The following SPOCD1 variants were observed in gnomAD, a reference collection of about 807,000 sequenced individuals.
SPOCD1 encodes SPOC domain containing 1, also known as SPOC domain-containing protein 1.
A neutral mutation model predicts 92.2 loss-of-function variants in SPOCD1; 64 were observed. That is an observed-to-expected ratio of 0.69 (90% CI 0.57 to 0.86). SPOCD1 has a LOEUF of 0.86. Ranked by LOEUF, SPOCD1 falls within the 40% of genes least tolerant of loss-of-function variation. The pLI is 0.00. For missense variants in SPOCD1, 1,360 were observed against 1,543.1 expected (o/e 0.88, Z 1.99); for synonymous variants, 578 against 619.3 (o/e 0.93, Z 0.99).
At position 31,799,730 on chromosome 1, in the gene SPOCD1, G is replaced by A. The variant is rs2149105265; in HGVS notation, c.1783+79C>T. The A allele has an allele frequency of 2.6e-6, 4 of 1,525,192 alleles. No homozygotes were observed. In the South Asian group the frequency reaches 4.5e-5, roughly 17 times the overall value. 94.5% of individuals were successfully genotyped at this position (1,525,192 alleles called of 1,614,324 possible). A position where few individuals can be genotyped will look rare whatever the true frequency, so the allele number is the denominator to read the frequency against. ...AGAGAAGAATCATAGCAGGGGCTGG[G>A]CCCAGGAGCTGGGCCTGAGTCCTCC... On this transcript the variant is annotated intron_variant, in intron 6 of 15. Coordinates refer to ENST00000360482, the MANE Select transcript of SPOCD1 (RefSeq NM_144569.7).
At position 31,791,085 on chromosome 1, in the gene SPOCD1, C is replaced by T; in HGVS notation, c.3169G>A (p.Val1057Met). 6.2e-7 allele frequency: 1 copy of T among 1,613,066 alleles called. No homozygotes were observed. The highest frequency in any genetic ancestry group is 8.5e-7 in the Non-Finnish European group (1 of 1,179,934). Reference sequence around the variant, plus strand: ...GGGGGAGGGGTGCCCTTCAGGGGCACATTCGGCCTCCTGTCATCTGGCTGA... The same window carrying T: ...GGGGGAGGGGTGCCCTTCAGGGGCATATTCGGCCTCCTGTCATCTGGCTGA... ...YYQPDDRRPNVPLKGTPPPGG... is the reference protein window; with the variant it reads ...YYQPDDRRPNMPLKGTPPPGG... Residue 1057 changes from valine (V) to methionine (M), a missense_variant, in exon 16 of 16, where the codon GTG (valine) becomes ATG (methionine). Val to Met is a conservative substitution (Grantham distance 21). Around this residue, in one of 3 missense-constraint regions of SPOCD1, gnomAD observed 614 missense variants for 757.8 expected, o/e 0.81. Transcript: ENST00000360482.
At position 31,815,137 on chromosome 1, in the gene SPOCD1, C is replaced by G; in HGVS notation, c.197G>C (p.Arg66Pro). The change falls in exon 2 of 16, where the codon CGA becomes CCA. Residue 66 changes from arginine to proline, a missense_variant. By Grantham distance (103) the Arg-to-Pro change is moderately radical. Transcript: ENST00000360482. Reference protein sequence around the residue: ...RRKIPRKEALRGGSSRAAGAA... With the variant: ...RRKIPRKEALPGGSSRAAGAA... ...ACCTGCAGCCCGGGAGCTGCCACCT[C>G]GAAGGGCCTCCTTCCTGGGGATCTT... The G allele has an allele frequency of 1.9e-6, 3 of 1,608,270 alleles. No homozygotes were observed.
chr1:31,813,857 C>T, intron 2 of SPOCD1, 94 bp downstream of exon 2: 2 of 1,158,182 alleles, frequency 1.7e-6, no homozygotes, highest in Non-Finnish European at 2.3e-6. Flanking sequence ...ATGAAGCGCC[C>T]ATCTAGCTTA....
At chr1:31,813,576 T>C (rs1649342603) in intron 2 of SPOCD1, among the ~76,000 whole-genome samples, 1 of 152,216 alleles carries the variant, frequency 6.6e-6, no homozygotes. Context: ...GCACATTATT[T>C]TATACCATAA....
intron 9 of SPOCD1, among the ~76,000 whole-genome samples, chr1:31,797,784 C>T (rs1648127677): frequency 6.6e-6 from 1 of 152,196 alleles, no homozygotes; most frequent in Non-Finnish European, 1.5e-5. Context: ...TATGGGGACA[C>T]AGCTGTGAAC....
Position 31,800,613 on chromosome 1 carries a change from C to T in SPOCD1, c.1430G>A (p.Gly477Asp). The T allele has an allele frequency of 1.2e-6, 2 of 1,603,152 alleles. No individual in the cohort carries two copies. Among genetic ancestry groups the T allele is most frequent in the Non-Finnish European group, 1.7e-6 (2 of 1,173,524 alleles). The change falls in exon 4 of 16, where the codon GGT (glycine) becomes GAT (aspartate). Residue 477 changes from glycine (G) to aspartate (D), a missense_variant. Gly to Asp is a moderately conservative substitution (Grantham distance 94). This residue lies in a region of SPOCD1 where 606 missense variants were observed against 601.5 expected (regional missense o/e 1.01). Transcript: ENST00000360482. ...PHGVKLVCYLGSGPVIQLLGA... is the reference protein window; with the variant it reads ...PHGVKLVCYLDSGPVIQLLGA... ...CAGGAGCTGGATCACTGGCCCGGAACCCAGCTGCGGGGGAGATCGCACTTC... is the reference window on the plus strand; with the variant it reads ...CAGGAGCTGGATCACTGGCCCGGAATCCAGCTGCGGGGGAGATCGCACTTC...
chr1:31,793,378 G>T lies in SPOCD1; in HGVS notation c.2585C>A (p.Pro862His). Residue 862 changes from proline to histidine, a missense_variant, in exon 13 of 16, where the codon CCC becomes CAC. Physicochemically the swap from Pro to His is moderately conservative, Grantham distance 77. This residue lies in a region of SPOCD1 where 614 missense variants were observed against 757.8 expected (regional missense o/e 0.81). Transcript: ENST00000360482. The stretch of plus-strand genomic sequence containing the variant: ...AACACCTTCCCAGGGTGGCAGGCAG[G>T]GCAGGGCCTTTGTGGGTGCAGCAGG... Reference protein sequence around the residue: ...HVPAAPTKALPCLPPWEGVLD... With the variant: ...HVPAAPTKALHCLPPWEGVLD... 5 of 1,592,608 alleles carry T rather than the reference G, an allele frequency of 3.1e-6. No homozygotes were observed. The highest frequency in any genetic ancestry group is 4.3e-6 in the Non-Finnish European group (5 of 1,169,478).
Position 31,806,920 on chromosome 1 carries a change from A to G in SPOCD1, c.1384-5215T>C, listed in dbSNP as rs1648857956. 2.0e-5 allele frequency among the ~76,000 whole-genome samples: 3 copies of G among 152,276 alleles called. No individual in the cohort carries two copies. In the South Asian group the frequency reaches 6.2e-4, roughly 32 times the overall value. On this transcript the variant is annotated intron_variant, in intron 2 of 15. Transcript: ENST00000360482. ...GTCTTTGAAATTCAGTGTATATTTT[A>G]CACTTACAGTACATCTCAATTTGGA...
In SPOCD1 at chr1:31,800,562, C is replaced by T. The variant is rs1296684850; in HGVS notation, c.1481G>A (p.Gly494Glu). 2 of 1,610,856 alleles carry T rather than the reference C, an allele frequency of 1.2e-6. No homozygotes were observed. Among genetic ancestry groups the T allele is most frequent in the Non-Finnish European group, 1.7e-6 (2 of 1,178,820 alleles). The change falls in exon 4 of 16, where the codon GGG becomes GAG. Residue 494 changes from glycine (G) to glutamate (E), a missense_variant. Around this residue, in one of 3 missense-constraint regions of SPOCD1, gnomAD observed 606 missense variants for 601.5 expected, o/e 1.01. Coordinates refer to ENST00000360482, the MANE Select transcript of SPOCD1 (RefSeq NM_144569.7). ...LLGAISHGQA[G>E]GQLPPKLEVL... ...CTCCAGCTTTGGTGGCAGCTGCCCC[C>T]CTGCCTGGCCGTGGCTGATGGCCCC...
chr1:31,809,658 A>G (rs1425170147), intron 2 of SPOCD1, among the ~76,000 whole-genome samples: 1 of 152,106 alleles, frequency 6.6e-6, no homozygotes, highest in African/African-American at 2.4e-5. Context: ...AAGTTACTTA[A>G]TCTCTCTGTG....
chr1:31,799,557 T>G lies in SPOCD1; in HGVS notation c.1784-72A>C, dbSNP rs540245877. The G allele has an allele frequency of 1.2e-4, 160 of 1,379,212 alleles. 1 individual carries two copies. In the South Asian group the frequency reaches 1.7e-3, roughly 15 times the overall value. 85.4% of individuals were successfully genotyped at this position (1,379,212 alleles called of 1,614,324 possible). ...GGGGAGGGGGCTGACTCAAGGCTGA[T>G]GGGTTTAGGCAGACAGGAGAGGGGT... On this transcript the variant is annotated intron_variant, in intron 6 of 15. Transcript: ENST00000360482.
At chr1:31,812,623 A>C (rs111285027) in intron 2 of SPOCD1, among the ~76,000 whole-genome samples, 294 of 152,362 alleles carry the variant, frequency 1.9e-3, no homozygotes, top group African/African-American at 6.5e-3. Context: ...TCAGAGCCTC[A>C]GTGTTCAGAT....
In SPOCD1 at chr1:31,790,752, A is replaced by C. The variant is rs1346164739; in HGVS notation, c.3502T>G (p.Cys1168Gly). The C allele has an allele frequency of 8.4e-6, 13 of 1,551,862 alleles. No individual in the cohort carries two copies. The highest frequency in any genetic ancestry group is 1.1e-5 in the Non-Finnish European group (13 of 1,147,150). ...GGGATGGAGCTCTTGGTCTGGGGGC[A>C]CAGTAAGGCTTGGAGCTGGTGACTC... ...TMSHQLQALL[C>G]PQTKSSIPRP... The change falls in exon 16 of 16, where the codon TGC (cysteine) becomes GGC (glycine). Residue 1168 changes from cysteine (C) to glycine (G), a missense_variant. Cys to Gly is a radical substitution (Grantham distance 159). Coordinates refer to ENST00000360482, the MANE Select transcript of SPOCD1 (RefSeq NM_144569.7).
At position 31,798,498 on chromosome 1, in the gene SPOCD1, G is replaced by A. The variant is rs766391914; in HGVS notation, c.1972C>T (p.Arg658Trp). The change falls in exon 8 of 16, where the codon CGG (arginine) becomes TGG (tryptophan). Residue 658 changes from arginine to tryptophan, a missense_variant. Arg to Trp is a moderately radical substitution (Grantham distance 101). This residue lies in a region of SPOCD1 where 614 missense variants were observed against 757.8 expected (regional missense o/e 0.81). Transcript: ENST00000360482. This position sits in a 1 kb window ranked among gnomAD's most constrained non-coding sequence, Gnocchi z 4.1. ...AGGCTGCGATACTTGGTCTTGTACCGGCCATTGGTGCCTTGTGTCAGGTCC... is the reference window on the plus strand; with the variant it reads ...AGGCTGCGATACTTGGTCTTGTACCAGCCATTGGTGCCTTGTGTCAGGTCC... Reference protein sequence around the residue: ...LWDLTQGTNGRYKTKYRSLLF... With the variant: ...LWDLTQGTNGWYKTKYRSLLF... 9 of 1,614,026 alleles carry A rather than the reference G, an allele frequency of 5.6e-6. No homozygotes were observed. Among genetic ancestry groups the A allele is most frequent in the Middle Eastern group, 1.6e-4 (1 of 6,062 alleles).
intron 2 of SPOCD1, among the ~76,000 whole-genome samples, chr1:31,808,478 G>A (rs952470989): frequency 1.3e-5 from 2 of 150,256 alleles, no homozygotes; most frequent in African/African-American, 4.9e-5. Flanking sequence ...TGTAAATATT[G>A]TAATTGTAAT....
intron 15 of SPOCD1, 40 bp downstream of exon 15, chr1:31,792,175 T>C (rs1292328694): frequency 3.2e-6 from 5 of 1,562,036 alleles, no homozygotes; most frequent in Non-Finnish European, 4.3e-6. Flanking sequence ...GGTCACCAAG[T>C]GAGCAGAGGC....
intron 2 of SPOCD1, among the ~76,000 whole-genome samples, chr1:31,801,996 C>T (rs563654714): frequency 1.2e-4 from 18 of 152,202 alleles, no homozygotes; most frequent in Admixed American, 3.3e-4. Flanking sequence ...GGTGAAACCC[C>T]GTCTCTACTA....
intron 10 of SPOCD1, 151 bp downstream of exon 10, chr1:31,796,439 T>C: frequency 8.4e-7 from 1 of 1,195,472 alleles, no homozygotes; most frequent in Non-Finnish European, 1.2e-6. Context: ...TGTTCCCCTA[T>C]GCGTTAAGGA....
chr1:31,802,122 C>T (rs188014954), intron 2 of SPOCD1, among the ~76,000 whole-genome samples: 4 of 152,020 alleles, frequency 2.6e-5, no homozygotes, highest in African/African-American at 9.7e-5. Flanking sequence ...GAGCCAGGAT[C>T]GTGCCACTGC....
Sources: gnomAD v4.1 joint callset for allele counts (sites outside exome capture counted in the v4.1 genomes callset) on GRCh38, gnomAD v4.1.1 for gene constraint, gnomAD v4.1.1 regional missense constraint, Gnocchi (gnomAD v3.1) non-coding constraint, MANE v1.5 for transcripts, NCBI Gene and HGNC (gene_info 2026-07-23, HGNC 2026-07-21) for gene names.